Variants in ADAMTS3 observed in about 807,000 individuals in gnomAD.
ADAMTS3 encodes ADAM metallopeptidase with thrombospondin type 1 motif 3, also known as A disintegrin and metalloproteinase with thrombospondin motifs 3.
A neutral mutation model predicts 129.0 loss-of-function variants in ADAMTS3; 73 were observed. That is an observed-to-expected ratio of 0.57 (90% CI 0.47 to 0.69). The LOEUF is 0.69. Ranked by LOEUF, ADAMTS3 falls within the 30% of genes least tolerant of loss-of-function variation. The pLI, the probability that ADAMTS3 is intolerant of heterozygous loss-of-function variation, is 0.00. For synonymous variants in ADAMTS3, 477 were observed against 510.8 expected, an observed-to-expected ratio of 0.93 and a Z score of 0.89; for missense variants, 1,457 against 1,514.5, an observed-to-expected ratio of 0.96 and a Z score of 0.63.
chr4:72,553,663 G>A (rs1721696148), intron 2 of ADAMTS3, among the ~76,000 whole-genome samples: 1 of 152,110 alleles, frequency 6.6e-6, no homozygotes, highest in Non-Finnish European at 1.5e-5. Context: ...GGAAGTCTGG[G>A]AAGCATAAGA....
At chr4:72,472,178 T>C (rs1719090633) in intron 3 of ADAMTS3, among the ~76,000 whole-genome samples, 1 of 152,122 alleles carries the variant, frequency 6.6e-6, no homozygotes, top group Non-Finnish European at 1.5e-5. Context: ...TTTATAAATA[T>C]TCTGAAATTC....
At chr4:72,540,255 G>A (rs1721286313) in intron 3 of ADAMTS3, among the ~76,000 whole-genome samples, 1 of 152,140 alleles carries the variant, frequency 6.6e-6, no homozygotes, top group African/African-American at 2.4e-5. Context: ...CAAAGAGACT[G>A]GCAGCATTTT....
At chr4:72,363,737 T>A (rs181570816) in intron 4 of ADAMTS3, among the ~76,000 whole-genome samples, 1 of 150,888 alleles carries the variant, frequency 6.6e-6, no homozygotes, top group Non-Finnish European at 1.5e-5. Flanking sequence ...TACCAAACGT[T>A]ATAAAAAAAA....
At chr4:72,345,951 C>A (rs1720270621) in intron 4 of ADAMTS3, among the ~76,000 whole-genome samples, 1 of 152,048 alleles carries the variant, frequency 6.6e-6, no homozygotes, top group Non-Finnish European at 1.5e-5. Context: ...GTGTCTTCAG[C>A]AATAAGTAAA....
intron 2 of ADAMTS3, among the ~76,000 whole-genome samples, chr4:72,552,217 T>C (rs1455614139): frequency 1.3e-5 from 2 of 152,206 alleles, no homozygotes; most frequent in Non-Finnish European, 2.9e-5. Flanking sequence ...TTGAGTCCAC[T>C]TGTGATCTTC....
At chr4:72,485,876 C>T (rs1270639051) in intron 3 of ADAMTS3, among the ~76,000 whole-genome samples, 1 of 152,152 alleles carries the variant, frequency 6.6e-6, no homozygotes, top group Admixed American at 6.5e-5. Context: ...CTTGACAGAG[C>T]CTGTTTGCCC....
At chr4:72,369,342 C>T (rs1383918464) in intron 4 of ADAMTS3, among the ~76,000 whole-genome samples, 2 of 152,106 alleles carry the variant, frequency 1.3e-5, no homozygotes, top group Non-Finnish European at 2.9e-5. Context: ...TTTGTCAAAA[C>T]TTTATAGGAG....
At position 72,331,150 on chromosome 4, in the gene ADAMTS3, G is replaced by C. The variant is rs566053287; in HGVS notation, c.862-8053C>G. Reference sequence around the variant, plus strand: ...ACCTCTTAGTCAGCAATACTGTGTGGATGTTGTGTTACGTTAAGGTAACAT... The same window carrying C: ...ACCTCTTAGTCAGCAATACTGTGTGCATGTTGTGTTACGTTAAGGTAACAT... On this transcript the variant is annotated intron_variant, in intron 5 of 21. Coordinates refer to ENST00000286657, the MANE Select transcript of ADAMTS3 (RefSeq NM_014243.3). Among the ~76,000 whole-genome samples the C allele has an allele frequency of 2.0e-5, 3 of 152,284 alleles. No homozygotes were observed. In the South Asian group the frequency reaches 6.2e-4, roughly 32 times the overall value.
At chr4:72,561,871 G>A (rs2109806411) in intron 2 of ADAMTS3, among the ~76,000 whole-genome samples, 1 of 152,280 alleles carries the variant, frequency 6.6e-6, no homozygotes, top group East Asian at 1.9e-4. Flanking sequence ...TCATAAACAA[G>A]AGACTGACAT....
intron 4 of ADAMTS3, among the ~76,000 whole-genome samples, chr4:72,391,660 A>G (rs932782325): frequency 6.6e-6 from 1 of 152,204 alleles, no homozygotes; most frequent in African/African-American, 2.4e-5. Flanking sequence ...ACCTACAAAA[A>G]TGGCAACTAC....
chr4:72,426,185 G>GT (rs1560511381), intron 3 of ADAMTS3, among the ~76,000 whole-genome samples: 1 of 152,026 alleles, frequency 6.6e-6, no homozygotes, highest in Non-Finnish European at 1.5e-5. Flanking sequence ...GGTGTTGTTT[G>GT]TTTTTTTCTT....
At chr4:72,450,969 A>AAGAAGAGAAGAGAAGAGAAG (rs67162859) in intron 3 of ADAMTS3, among the ~76,000 whole-genome samples, 7,661 of 140,036 alleles carry the variant, frequency 0.055, 329 homozygotes, top group African/African-American at 0.07. Context: ...GGCAGGCAAA[A>AAGAAGAGAAGAGAAGAGAAG]AGAAGAGAAG....
At chr4:72,294,373 T>G (rs1263413104) in intron 19 of ADAMTS3, among the ~76,000 whole-genome samples, 3 of 152,040 alleles carry the variant, frequency 2.0e-5, no homozygotes, top group African/African-American at 7.2e-5. Context: ...GTTTTTGAGA[T>G]CTACTGAACA....
chr4:72,402,968 A>G (rs1273364525), intron 4 of ADAMTS3, among the ~76,000 whole-genome samples: 1 of 152,138 alleles, frequency 6.6e-6, no homozygotes, highest in Non-Finnish European at 1.5e-5. Flanking sequence ...ACCTGGAAAT[A>G]CCAGGGGGTA....
chr4:72,292,910 CTT>C lies in ADAMTS3; in HGVS notation c.2724-1850_2724-1849del, dbSNP rs1560460964. Among the ~76,000 whole-genome samples, 189 of 152,268 alleles carry C rather than the reference CTT, an allele frequency of 1.2e-3. 2 individuals carry two copies. The highest frequency in any genetic ancestry group is 4.3e-3 in the African/African-American group (180 of 41,544). ...GAGGAATTTTGCTCAATTTTGAAGA[CTT>C]CAGTGATGACTCTCTTTTGAAGACA... On this transcript the variant is annotated intron_variant, in intron 19 of 21. Transcript: ENST00000286657.
intron 3 of ADAMTS3, among the ~76,000 whole-genome samples, chr4:72,529,637 A>C (rs2109755199): frequency 7.5e-6 from 1 of 133,272 alleles, no homozygotes; most frequent in East Asian, 2.0e-4. Flanking sequence ...ATAATATTAT[A>C]TATAATACAT....
chr4:72,312,178 C>G lies in ADAMTS3; in HGVS notation c.1921+113G>C, dbSNP rs531392915. On this transcript the variant is annotated intron_variant, in intron 13 of 21. Coordinates refer to ENST00000286657, the MANE Select transcript of ADAMTS3 (RefSeq NM_014243.3). ...CAGGAGAACTTACTCCTATAAGCAC[C>G]AAGTTTCCTAAGTTACCACATAGGG... 38 of 1,180,598 alleles carry G rather than the reference C, an allele frequency of 3.2e-5. 1 individual carries two copies. In the Admixed American group the frequency reaches 4.8e-4, roughly 15 times the overall value. The allele number at this position is 1,180,598 out of a possible 1,614,324, so 73.1% of individuals were successfully genotyped here.
rs779122055 is a variant in ADAMTS3 at position 72,313,660 on chromosome 4, T to A, written c.1745+17A>T. 13 of 1,611,958 alleles carry A rather than the reference T, an allele frequency of 8.1e-6. No homozygotes were observed. The highest frequency in any genetic ancestry group is 1.0e-5 in the Non-Finnish European group (12 of 1,178,720). The stretch of plus-strand genomic sequence containing the variant: ...TGGTCTCTCCAAAAATAACAAGAGT[T>A]ACAAGGATATACTCACATGGGATTA... On this transcript the variant is annotated intron_variant, in intron 12 of 21. Transcript: ENST00000286657.
intron 4 of ADAMTS3, among the ~76,000 whole-genome samples, chr4:72,367,849 C>CA (rs35388186): frequency 9.4e-4 from 118 of 125,662 alleles, no homozygotes; most frequent in South Asian, 2.1e-3. Flanking sequence ...GACTCTGTGT[C>CA]AAAAAAAAAA....
Sources: gnomAD v4.1 joint callset for allele counts (sites outside exome capture counted in the v4.1 genomes callset) on GRCh38, gnomAD v4.1.1 for gene constraint, MANE v1.5 for transcripts, NCBI Gene and HGNC (gene_info 2026-07-23, HGNC 2026-07-21) for gene names.